The following CEMIP2 variants were observed in gnomAD, a reference collection of about 807,000 sequenced individuals.
The protein encoded by CEMIP2 is cell surface hyaluronidase CEMIP2.
A neutral mutation model predicts 146.9 loss-of-function variants in CEMIP2; 79 were observed. That is an observed-to-expected ratio of 0.54 (90% confidence interval 0.45 to 0.65). The LOEUF (loss-of-function observed/expected upper bound fraction) is 0.65, where lower values mean the gene tolerates loss of function less well. Among genes scored for constraint, CEMIP2 ranks in the 30% least tolerant of loss-of-function variants. The probability of loss-of-function intolerance (pLI) is 0.00; values close to 1 mark genes in which losing one functional copy is unlikely to be tolerated. For missense variants in CEMIP2, 1,596 were observed against 1,696.2 expected, an observed-to-expected ratio of 0.94 and a Z score of 1.04; for synonymous variants, 601 against 606.3, an observed-to-expected ratio of 0.99 and a Z score of 0.13.
At position 71,767,270 on chromosome 9, in the gene CEMIP2, G is replaced by A. The variant is rs79224729; in HGVS notation, c.-13+1087C>T. On this transcript the variant is annotated intron_variant, in intron 1 of 23. Coordinates refer to ENST00000377044, the MANE Select transcript of CEMIP2 (RefSeq NM_013390.3). ...GGGAGTCAGGCCTCCCTCAGCTCAGGTGAAGCCTCTACCCTTTCCCCTCTC... is the reference window on the plus strand; with the variant it reads ...GGGAGTCAGGCCTCCCTCAGCTCAGATGAAGCCTCTACCCTTTCCCCTCTC... Among the ~76,000 whole-genome samples the A allele has an allele frequency of 3.4e-4, 52 of 152,206 alleles. 3 individuals are homozygous for A. In the East Asian group the frequency reaches 9.9e-3, roughly 29 times the overall value.
chr9:71,697,870 C>T (rs1822444822), intron 20 of CEMIP2, 115 bp downstream of exon 20: 2 of 1,047,858 alleles, frequency 1.9e-6, no homozygotes, highest in Non-Finnish European at 2.7e-6. Flanking sequence ...TCAGGAGATG[C>T]CATGCAATGT....
At chr9:71,765,059 T>C (rs915152597) in intron 1 of CEMIP2, among the ~76,000 whole-genome samples, 8 of 152,144 alleles carry the variant, frequency 5.3e-5, no homozygotes, top group Non-Finnish European at 1.0e-4. Flanking sequence ...TGTACTGTAC[T>C]AGACAGCCCA....
chr9:71,684,901 G>T lies in CEMIP2; in HGVS notation c.*296C>A. On this transcript the variant is annotated 3_prime_UTR_variant, in exon 24 of 24. Coordinates refer to ENST00000377044, the MANE Select transcript of CEMIP2 (RefSeq NM_013390.3). The stretch of plus-strand genomic sequence containing the variant: ...TCCACCCCACCCCATTATACAAAAA[G>T]TAAAAACATTGCTCATGGTCATTAC... 1 of 299,562 alleles carries T rather than the reference G, an allele frequency of 3.3e-6. No homozygotes were observed. Among genetic ancestry groups the T allele is most frequent in the Non-Finnish European group, 6.1e-6 (1 of 163,910 alleles). 18.6% of individuals were successfully genotyped at this position (299,562 alleles called of 1,614,324 possible).
At chr9:71,744,985 T>C in intron 4 of CEMIP2, 33 bp downstream of exon 4, 1 of 1,589,458 alleles carries the variant, frequency 6.3e-7, no homozygotes, top group Non-Finnish European at 8.6e-7. Flanking sequence ...AGACACGGAC[T>C]CTGATAGGGA....
intron 19 of CEMIP2, chr9:71,699,253 T>A: frequency 4.8e-6 from 1 of 208,322 alleles, no homozygotes; most frequent in South Asian, 6.9e-5. Flanking sequence ...GGAAGTTCTA[T>A]CATCTACAGA....
At chr9:71,685,458 G>A (rs1307233607) in intron 23 of CEMIP2, 65 bp from the exon 24 acceptor site, 14 of 1,396,414 alleles carry the variant, frequency 1.0e-5, no homozygotes, top group Admixed American at 6.0e-5. Context: ...TCCAGCAAGA[G>A]AATATAGGAG....
intron 15 of CEMIP2, among the ~76,000 whole-genome samples, chr9:71,713,059 T>A (rs905663408): frequency 6.6e-6 from 1 of 152,166 alleles, no homozygotes; most frequent in African/African-American, 2.4e-5. Flanking sequence ...CATCATGATG[T>A]ATTTAATATT....
intron 2 of CEMIP2, among the ~76,000 whole-genome samples, chr9:71,748,316 A>G (rs181626599): frequency 6.6e-6 from 1 of 152,254 alleles, no homozygotes; most frequent in African/African-American, 2.4e-5. Context: ...AGCCAACCCC[A>G]CCTTCCCAGC....
chr9:71,712,348 T>C lies in CEMIP2; in HGVS notation c.2592-88A>G. Reference sequence around the variant, plus strand: ...CTTGTTTTATGAAGACAGCTAAATATCCGGTATGAACTAAGCAAAATTCTA... The same window carrying C: ...CTTGTTTTATGAAGACAGCTAAATACCCGGTATGAACTAAGCAAAATTCTA... On this transcript the variant is annotated intron_variant, in intron 15 of 23. Transcript: ENST00000377044. 6 of 1,375,526 alleles carry C rather than the reference T, an allele frequency of 4.4e-6. No individual in the cohort carries two copies. The South Asian group carries it at 8.0e-5, about 18-fold the overall frequency. 85.2% of individuals were successfully genotyped at this position (1,375,526 alleles called of 1,614,324 possible).
At chr9:71,691,299 G>A (rs1444068904) in intron 21 of CEMIP2, among the ~76,000 whole-genome samples, 2 of 144,014 alleles carry the variant, frequency 1.4e-5, no homozygotes, top group African/African-American at 5.5e-5. Context: ...GCATGCCTGT[G>A]ATCCCAGCTA....
chr9:71,722,452 A>T lies in CEMIP2; in HGVS notation c.2242T>A (p.Tyr748Asn). The T allele has an allele frequency of 6.2e-7, 1 of 1,613,780 alleles. No homozygotes were observed. The highest frequency in any genetic ancestry group is 1.1e-5 in the South Asian group (1 of 91,034). The stretch of plus-strand genomic sequence containing the variant: ...CTTGCACTATTGTCCAAACAGAGGT[A>T]TTCCCTTGGGTCAGCAGCACTAGAG... ...TNSSAADPREYLCLDNSARFR... is the reference protein window; with the variant it reads ...TNSSAADPRENLCLDNSARFR... The change falls in exon 12 of 24, where the codon TAC (tyrosine) becomes AAC (asparagine). Residue 748 changes from tyrosine to asparagine, a missense_variant. Physicochemically the swap from Tyr to Asn is moderately radical, Grantham distance 143. Coordinates refer to ENST00000377044, the MANE Select transcript of CEMIP2 (RefSeq NM_013390.3).
rs11142981 is a variant in CEMIP2 at position 71,728,238 on chromosome 9, T to C, written c.2049+1607A>G. Among the ~76,000 whole-genome samples the C allele has an allele frequency of 8.8e-5, 3 of 33,994 alleles. No homozygotes were observed. The South Asian group carries it at 3.6e-3, about 41-fold the overall frequency. 22.3% of individuals were successfully genotyped at this position (33,994 alleles called of 152,430 possible). A position where few individuals can be genotyped will look rare whatever the true frequency, so the allele number is the denominator to read the frequency against. ...CTCTCTCTCTCTCTCTCTCTATATA[T>C]ATATATATATATGTATATACACGTA... On this transcript the variant is annotated intron_variant, in intron 10 of 23. Transcript: ENST00000377044.
intron 10 of CEMIP2, among the ~76,000 whole-genome samples, chr9:71,727,051 GA>G: frequency 6.6e-6 from 1 of 152,140 alleles, no homozygotes; most frequent in Non-Finnish European, 1.5e-5. Context: ...ACTTTGGGAG[GA>G]AAAACCCTGC....
intron 1 of CEMIP2, among the ~76,000 whole-genome samples, chr9:71,752,467 A>AG (rs1824282449): frequency 5.1e-5 from 4 of 78,978 alleles, no homozygotes; most frequent in Admixed American, 1.4e-4. Flanking sequence ...AGAGGAAGGA[A>AG]GGAAGGAAGG....
chr9:71,713,641 C>T (rs1180704350), intron 15 of CEMIP2, among the ~76,000 whole-genome samples: 10 of 152,048 alleles, frequency 6.6e-5, no homozygotes, highest in Non-Finnish European at 1.0e-4. Flanking sequence ...ATTGATTTGG[C>T]GACCATCACA....
At position 71,732,421 on chromosome 9, in the gene CEMIP2, A is replaced by C; in HGVS notation, c.1493T>G (p.Val498Gly). The C allele has an allele frequency of 6.2e-7, 1 of 1,613,976 alleles. No homozygotes were observed. Among genetic ancestry groups the C allele is most frequent in the South Asian group, 1.1e-5 (1 of 91,052 alleles). The change falls in exon 7 of 24, where the codon GTG (valine) becomes GGG (glycine). Residue 498 changes from valine to glycine, a missense_variant. Val to Gly is a moderately radical substitution (Grantham distance 109). Coordinates refer to ENST00000377044, the MANE Select transcript of CEMIP2 (RefSeq NM_013390.3). The part of the protein sequence containing the change: ...LTRNIVIQGE[V>G]EDSCYAENQC... Reference sequence around the variant, plus strand: ...ATTTTCTGCGTAGCATGAGTCCTCCACTTCTCCTTGGATCACAATATTCCG... The same window carrying C: ...ATTTTCTGCGTAGCATGAGTCCTCCCCTTCTCCTTGGATCACAATATTCCG...
At chr9:71,713,056 A>G (rs1361893388) in intron 15 of CEMIP2, among the ~76,000 whole-genome samples, 1 of 152,172 alleles carries the variant, frequency 6.6e-6, no homozygotes, top group Non-Finnish European at 1.5e-5. Flanking sequence ...TCGCATCATG[A>G]TGTATTTAAT....
chr9:71,762,437 G>C (rs900696471), intron 1 of CEMIP2, among the ~76,000 whole-genome samples: 1 of 136,372 alleles, frequency 7.3e-6, no homozygotes, highest in Non-Finnish European at 1.5e-5. Context: ...AGTGTGCTAG[G>C]ACTACTATAG....
chr9:71,751,653 C>G (rs1429632944), intron 1 of CEMIP2, among the ~76,000 whole-genome samples: 1 of 152,076 alleles, frequency 6.6e-6, no homozygotes, highest in East Asian at 1.9e-4. Flanking sequence ...CAAACAGGGC[C>G]CTGGATTTTA....
Sources: gnomAD v4.1 joint callset for allele counts (sites outside exome capture counted in the v4.1 genomes callset) on GRCh38, gnomAD v4.1.1 for gene constraint, MANE v1.5 for transcripts, NCBI Gene and HGNC (gene_info 2026-07-23, HGNC 2026-07-21) for gene names.